Variants in DPYD observed in about 807,000 individuals in gnomAD.
The protein encoded by DPYD is dihydropyrimidine dehydrogenase, also known as dihydropyrimidine dehydrogenase [NADP(+)].
A neutral mutation model predicts 116.2 loss-of-function variants in DPYD; 109 were observed. The observed-to-expected ratio is 0.94, with a 90% confidence interval of 0.80 to 1.10. The LOEUF is 1.10. Among genes scored for constraint, DPYD ranks in the 50% least tolerant of loss-of-function variants. The probability of loss-of-function intolerance (pLI) is 0.00; values close to 1 mark genes in which losing one functional copy is unlikely to be tolerated. For synonymous variants in DPYD, 440 were observed against 432.0 expected, an observed-to-expected ratio of 1.02 and a Z score of -0.23; for missense variants, 1,302 against 1,254.5, an observed-to-expected ratio of 1.04 and a Z score of -0.57.
chr1:97,596,977 T>A (rs1654930810), intron 8 of DPYD, among the ~76,000 whole-genome samples: 1 of 152,190 alleles, frequency 6.6e-6, no homozygotes, highest in Non-Finnish European at 1.5e-5. Context: ...TGTTTCCCCC[T>A]TTTATGACAT....
At chr1:97,814,903 C>CAAAA (rs71071673) in intron 3 of DPYD, among the ~76,000 whole-genome samples, 1 of 63,682 alleles carries the variant, frequency 1.6e-5, no homozygotes, top group African/African-American at 4.9e-5. Context: ...GACCCTGTCT[C>CAAAA]AAAAAAAAAA....
intron 8 of DPYD, among the ~76,000 whole-genome samples, chr1:97,658,957 A>C (rs1320145972): frequency 1.3e-5 from 2 of 151,956 alleles, no homozygotes; most frequent in African/African-American, 4.8e-5. Flanking sequence ...TTCTCCCTCT[A>C]ACTTCTCTTT....
chr1:97,691,637 G>A (rs529317281), intron 7 of DPYD, 80 bp downstream of exon 7: 34 of 1,202,764 alleles, frequency 2.8e-5, no homozygotes, highest in Non-Finnish European at 4.0e-5. Context: ...TAAAATGCAT[G>A]ACATTTGCTG....
intron 14 of DPYD, among the ~76,000 whole-genome samples, chr1:97,440,953 GA>G (rs1425105752): frequency 1.3e-5 from 2 of 152,118 alleles, no homozygotes; most frequent in East Asian, 3.9e-4. Context: ...GCTGGATTTT[GA>G]AATCTAGGTT....
At chr1:97,306,324 G>A (rs1667166432) in intron 16 of DPYD, 27 bp from the exon 17 acceptor site, 2 of 1,611,386 alleles carry the variant, frequency 1.2e-6, no homozygotes, top group African/African-American at 1.3e-5. Context: ...GTTAAATATA[G>A]AACAAAATTA....
At chr1:97,509,210 T>G (rs1570865199) in intron 13 of DPYD, among the ~76,000 whole-genome samples, 1 of 151,992 alleles carries the variant, frequency 6.6e-6, no homozygotes, top group Non-Finnish European at 1.5e-5. Context: ...TTGGTAAGGT[T>G]GTCTGATATG....
intron 19 of DPYD, among the ~76,000 whole-genome samples, chr1:97,227,331 C>CAAAAAAAAAAAAAAAAA (rs60992225): frequency 1.2e-3 from 31 of 26,350 alleles, no homozygotes; most frequent in Middle Eastern, 0.029. Flanking sequence ...GACTCTATCT[C>CAAAAAAAAAAAAAAAAA]AAAAAAAAAA....
chr1:97,631,113 G>C (rs932422103), intron 8 of DPYD, among the ~76,000 whole-genome samples: 5 of 152,078 alleles, frequency 3.3e-5, no homozygotes, highest in Non-Finnish European at 7.4e-5. Context: ...CCAAATGTGG[G>C]CTATGGCGTC....
intron 14 of DPYD, among the ~76,000 whole-genome samples, chr1:97,440,742 A>G (rs1350343285): frequency 1.3e-5 from 2 of 152,182 alleles, no homozygotes; most frequent in Admixed American, 6.5e-5. Context: ...TTCTTCTAAA[A>G]TGAGTTAATT....
At chr1:97,160,553 G>T (rs1030583452) in intron 20 of DPYD, among the ~76,000 whole-genome samples, 3 of 152,022 alleles carry the variant, frequency 2.0e-5, no homozygotes, top group African/African-American at 7.2e-5. Context: ...TTGAATAGAA[G>T]GATTGTAAGA....
intron 20 of DPYD, among the ~76,000 whole-genome samples, chr1:97,101,438 C>T (rs560611101): frequency 3.0e-5 from 4 of 133,092 alleles, no homozygotes; most frequent in African/African-American, 1.1e-4. Flanking sequence ...ACACATACTA[C>T]ATTTAGGCAT....
At chr1:97,623,743 G>C (rs1375932295) in intron 8 of DPYD, among the ~76,000 whole-genome samples, 4 of 151,784 alleles carry the variant, frequency 2.6e-5, no homozygotes, top group African/African-American at 9.7e-5. Flanking sequence ...AACAAAGCTA[G>C]AGTAATTAAA....
chr1:97,167,562 G>A (rs1002672620), intron 20 of DPYD, among the ~76,000 whole-genome samples: 7 of 152,160 alleles, frequency 4.6e-5, no homozygotes, highest in Non-Finnish European at 8.8e-5. Flanking sequence ...ATTGTGTGAA[G>A]AGTCATTTTG....
At chr1:97,728,195 G>A (rs887221975) in intron 4 of DPYD, among the ~76,000 whole-genome samples, 2 of 151,930 alleles carry the variant, frequency 1.3e-5, no homozygotes, top group Non-Finnish European at 2.9e-5. Context: ...TATTTGAAAT[G>A]TTTGCTGTTT....
intron 11 of DPYD, among the ~76,000 whole-genome samples, chr1:97,571,839 CT>C (rs1440293368): frequency 6.6e-6 from 1 of 151,922 alleles, no homozygotes; most frequent in African/African-American, 2.4e-5. Flanking sequence ...GTAAGATCTT[CT>C]TGATCAAATT....
Position 97,561,694 on chromosome 1 carries a change from T to C in DPYD, c.1340-11950A>G, listed in dbSNP as rs574711567. Among the ~76,000 whole-genome samples the C allele has an allele frequency of 2.6e-5, 4 of 152,326 alleles. No individual in the cohort carries two copies. The East Asian group carries it at 5.8e-4, about 22-fold the overall frequency. ...ATAGTTAAACACTAAAAACATTTCA[T>C]GAATTAGCAATGATATGTTTTTCCA... On this transcript the variant is annotated intron_variant, in intron 11 of 22. Transcript: ENST00000370192.
chr1:97,637,324 C>T (rs1657625256), intron 8 of DPYD, among the ~76,000 whole-genome samples: 1 of 152,094 alleles, frequency 6.6e-6, no homozygotes, highest in African/African-American at 2.4e-5. Flanking sequence ...TCCCCCACTC[C>T]CCTACTAAGT....
At chr1:97,442,435 C>A (rs12045999) in intron 14 of DPYD, among the ~76,000 whole-genome samples, 1 of 150,542 alleles carries the variant, frequency 6.6e-6, no homozygotes, top group Non-Finnish European at 1.5e-5. Flanking sequence ...TACATGGAGC[C>A]GTAAACTAAT....
chr1:97,584,972 A>T (rs1653991762), intron 10 of DPYD, among the ~76,000 whole-genome samples: 1 of 150,486 alleles, frequency 6.6e-6, no homozygotes, highest in African/African-American at 2.4e-5. Context: ...AATAATAAAG[A>T]AATAAAATAA....
Sources: gnomAD v4.1 joint callset for allele counts (sites outside exome capture counted in the v4.1 genomes callset) on GRCh38, gnomAD v4.1.1 for gene constraint, MANE v1.5 for transcripts, NCBI Gene and HGNC (gene_info 2026-07-23, HGNC 2026-07-21) for gene names.